CEMIP2: variants seen among roughly 807,000 people sequenced by gnomAD.
CEMIP2 encodes the protein cell migration inducing hyaluronidase 2, also known as cell surface hyaluronidase CEMIP2.
CEMIP2 carries 79 observed loss-of-function variants against 146.9 expected under a neutral mutation model. The observed-to-expected ratio is 0.54, with a 90% CI of 0.45 to 0.65. The LOEUF is 0.65. Among genes scored for constraint, CEMIP2 ranks in the 30% least tolerant of loss-of-function variants. CEMIP2 has a pLI of 0.00. For synonymous variants in CEMIP2, 601 were observed against 606.3 expected (o/e 0.99, Z 0.13); for missense variants, 1,596 against 1,696.2 (o/e 0.94, Z 1.04).
chr9:71,702,213 G>A (rs969901829), intron 18 of CEMIP2, among the ~76,000 whole-genome samples: 3 of 144,980 alleles, frequency 2.1e-5, no homozygotes, highest in Non-Finnish European at 4.5e-5. Flanking sequence ...AGCCAAGATT[G>A]CACCACTGCA....
intron 1 of CEMIP2, among the ~76,000 whole-genome samples, chr9:71,756,504 TCTCACA>T (rs368129459): frequency 0.12 from 13,288 of 110,310 alleles, 553 homozygotes; most frequent in South Asian, 0.17. Flanking sequence ...TCTCTCTCTC[TCTCACA>T]CACACACACA....
intron 15 of CEMIP2, among the ~76,000 whole-genome samples, chr9:71,713,524 T>C (rs1269472428): frequency 6.6e-6 from 1 of 152,226 alleles, no homozygotes; most frequent in Non-Finnish European, 1.5e-5. Flanking sequence ...ATATTAAAGC[T>C]GTTTCCATTA....
At chr9:71,752,467 AGGAAGGAAGGAAGG>A (rs2132024302) in intron 1 of CEMIP2, among the ~76,000 whole-genome samples, 1 of 78,920 alleles carries the variant, frequency 1.3e-5, no homozygotes, top group Non-Finnish European at 2.6e-5. Flanking sequence ...AGAGGAAGGA[AGGAAGGAAGGAAGG>A]GGGAGGGAAG....
intron 18 of CEMIP2, among the ~76,000 whole-genome samples, chr9:71,703,786 T>A (rs1003254668): frequency 3.3e-5 from 5 of 152,092 alleles, no homozygotes; most frequent in Admixed American, 6.6e-5. Flanking sequence ...CCAGGAGAAC[T>A]GGCCCTTTCC....
At chr9:71,747,714 G>GA (rs781570766) in intron 2 of CEMIP2, among the ~76,000 whole-genome samples, 11 of 150,618 alleles carry the variant, frequency 7.3e-5, no homozygotes, top group South Asian at 2.1e-4. Context: ...GTTCTATACA[G>GA]AAAAAAAAAT....
intron 11 of CEMIP2, among the ~76,000 whole-genome samples, chr9:71,724,386 T>C (rs1823324521): frequency 6.6e-6 from 1 of 152,234 alleles, no homozygotes; most frequent in Non-Finnish European, 1.5e-5. Context: ...TGAAATGCTA[T>C]TTTCAATAAA....
chr9:71,732,618 G>T (rs1823651792), intron 6 of CEMIP2, 98 bp from the exon 7 acceptor site: 4 of 1,096,020 alleles, frequency 3.6e-6, no homozygotes, highest in Non-Finnish European at 4.7e-6. Context: ...ACCCCAAGAT[G>T]ATCCTGACAA....
chr9:71,740,373 C>T, intron 4 of CEMIP2, 141 bp from the exon 5 acceptor site: 1 of 965,822 alleles, frequency 1.0e-6, no homozygotes, highest in Non-Finnish European at 1.5e-6. Context: ...TATGAGGCTG[C>T]AGTTCCAAAC....
At chr9:71,719,130 C>T (rs1823155898) in intron 12 of CEMIP2, among the ~76,000 whole-genome samples, 2 of 151,776 alleles carry the variant, frequency 1.3e-5, no homozygotes, top group East Asian at 1.9e-4. Flanking sequence ...TCTTACAAAA[C>T]GAACGGAAGA....
intron 4 of CEMIP2, among the ~76,000 whole-genome samples, chr9:71,741,763 C>T (rs1823927753): frequency 6.6e-6 from 1 of 151,240 alleles, no homozygotes; most frequent in African/African-American, 2.4e-5. Flanking sequence ...CTTAGCCTCC[C>T]AAGTAGCTGG....
chr9:71,723,428 G>A (rs2131942569), intron 11 of CEMIP2, among the ~76,000 whole-genome samples: 1 of 151,612 alleles, frequency 6.6e-6, no homozygotes, highest in Non-Finnish European at 1.5e-5. Context: ...AGATGATCTA[G>A]ACTCATGGCC....
intron 13 of CEMIP2, 37 bp from the exon 14 acceptor site, chr9:71,716,589 A>T: frequency 1.3e-6 from 2 of 1,509,892 alleles, no homozygotes; most frequent in Non-Finnish European, 9.1e-7. Context: ...ATTTTAATTT[A>T]CCATATTATG....
chr9:71,739,438 T>G (rs553829581), intron 5 of CEMIP2, among the ~76,000 whole-genome samples: 1 of 136,542 alleles, frequency 7.3e-6, no homozygotes, highest in Admixed American at 7.5e-5. Context: ...ACCACTAAAC[T>G]CCACTTACAG....
rs1823260880 is a variant in CEMIP2 at position 71,722,484 on chromosome 9, G to A, written c.2210C>T (p.Thr737Ile). Residue 737 changes from threonine (T) to isoleucine (I), a missense_variant, in exon 12 of 24, where the codon ACA (threonine) becomes ATA (isoleucine). Physicochemically the swap from Thr to Ile is moderately conservative, Grantham distance 89. Transcript: ENST00000377044. The part of the protein sequence containing the change: ...AGLFIDKGVK[T>I]TNSSAADPRE... ...TGGGTCAGCAGCACTAGAGTTGGTT[G>A]TTTTGACACCTTTGTCAATAAATAA... is the stretch of plus-strand genomic sequence containing the variant. 1.2e-6 allele frequency: 2 copies of A among 1,613,554 alleles called. No individual in the cohort carries two copies. The highest frequency in any genetic ancestry group is 1.1e-5 in the South Asian group (1 of 91,032).
chr9:71,760,451 T>C (rs2132041852), intron 1 of CEMIP2, among the ~76,000 whole-genome samples: 1 of 143,914 alleles, frequency 6.9e-6, no homozygotes, highest in South Asian at 2.1e-4. Flanking sequence ...TTAAAATTCA[T>C]TCCTATGTTT....
chr9:71,736,530 A>G (rs1398747262), intron 5 of CEMIP2, among the ~76,000 whole-genome samples: 1 of 152,182 alleles, frequency 6.6e-6, no homozygotes, highest in African/African-American at 2.4e-5. Context: ...GGGATGATGT[A>G]AATTATGTAA....
chr9:71,726,280 A>G (rs954613939), intron 10 of CEMIP2, among the ~76,000 whole-genome samples: 1 of 152,204 alleles, frequency 6.6e-6, no homozygotes, highest in Non-Finnish European at 1.5e-5. Context: ...TTTCAGTATT[A>G]CTGACCTTAA....
intron 4 of CEMIP2, among the ~76,000 whole-genome samples, chr9:71,741,631 GTT>G (rs11334265): frequency 8.3e-4 from 61 of 73,156 alleles, no homozygotes; most frequent in African/African-American, 2.5e-3. Context: ...TTCTTTTCTG[GTT>G]TTTTTTTTTT....
chr9:71,766,031 G>A (rs1824779771), intron 1 of CEMIP2, among the ~76,000 whole-genome samples: 1 of 151,880 alleles, frequency 6.6e-6, no homozygotes, highest in Non-Finnish European at 1.5e-5. Context: ...GTGAGTCTAA[G>A]ACCATGAATT....
Sources: allele counts gnomAD v4.1 joint callset (sites outside exome capture counted in the v4.1 genomes callset), GRCh38; gene constraint gnomAD v4.1.1; transcripts MANE v1.5; gene names NCBI Gene and HGNC (gene_info 2026-07-23, HGNC 2026-07-21).